The following GREM2 variants were observed in gnomAD, a reference collection of about 807,000 sequenced individuals.
GREM2 encodes the protein gremlin-2.
A neutral mutation model predicts 14.2 loss-of-function variants in GREM2; 11 were observed. The ratio of observed to expected loss-of-function variants is 0.78; its 90% confidence interval spans 0.49 to 1.28. The LOEUF (loss-of-function observed/expected upper bound fraction) is 1.28, where lower values mean the gene tolerates loss of function less well. Ranked by LOEUF, GREM2 falls within the 50% of genes most tolerant of loss-of-function variation. The probability of loss-of-function intolerance (pLI) is 0.00; values close to 1 mark genes in which losing one functional copy is unlikely to be tolerated. For synonymous variants in GREM2, 98 were observed against 97.6 expected, an observed-to-expected ratio of 1.00 and a Z score of -0.02; for missense variants, 210 against 218.5, an observed-to-expected ratio of 0.96 and a Z score of 0.24.
At chr1:240,550,202 A>G (rs1391582022) in intron 1 of GREM2, 1 of 151,980 alleles carries the variant, frequency 6.6e-6, no homozygotes, top group Non-Finnish European at 1.5e-5. Context: ...TTGTATTTTT[A>G]GTGGAGACGG....
At chr1:240,520,138 G>A (rs1402346576) in intron 1 of GREM2, among the ~76,000 whole-genome samples, 7 of 130,236 alleles carry the variant, frequency 5.4e-5, no homozygotes, top group African/African-American at 1.2e-4. Flanking sequence ...ACTATAATCC[G>A]GAATTGCTCT....
At chr1:240,558,840 A>C (rs1678993116) in intron 1 of GREM2, among the ~76,000 whole-genome samples, 1 of 152,114 alleles carries the variant, frequency 6.6e-6, no homozygotes, top group African/African-American at 2.4e-5. Context: ...TAAACTCATT[A>C]CCTGTTTTAT....
chr1:240,609,576 G>C (rs761956939), intron 1 of GREM2, among the ~76,000 whole-genome samples: 2 of 152,060 alleles, frequency 1.3e-5, no homozygotes, highest in Non-Finnish European at 2.9e-5. Context: ...TGCTGGGCAC[G>C]TTTTCCCTGG....
In GREM2 at chr1:240,528,519, T is replaced by C. The variant is rs567836084; in HGVS notation, c.-1-35043A>G. 3.2e-3 allele frequency among the ~76,000 whole-genome samples: 485 copies of C among 152,114 alleles called. 3 individuals are homozygous for C. Among genetic ancestry groups the C allele is most frequent in the African/African-American group, 0.011 (453 of 41,492 alleles). On this transcript the variant is annotated intron_variant, in intron 1 of 1. Coordinates refer to ENST00000318160, the MANE Select transcript of GREM2 (RefSeq NM_022469.4). ...AAAGTTGTATCTGGGTTGAAAAAAA[T>C]GTATATGTATTTTAGGAATGGTAGG...
At chr1:240,575,075 C>T (rs1490937649) in intron 1 of GREM2, among the ~76,000 whole-genome samples, 1 of 151,856 alleles carries the variant, frequency 6.6e-6, no homozygotes, top group Admixed American at 6.6e-5. Flanking sequence ...CCACTGCATT[C>T]CAGCTTGGTG....
At chr1:240,572,835 CAG>C (rs373877598) in intron 1 of GREM2, among the ~76,000 whole-genome samples, 3 of 152,106 alleles carry the variant, frequency 2.0e-5, no homozygotes, top group African/African-American at 7.2e-5. Context: ...AAGGAATATG[CAG>C]AGAGAGGGAT....
At chr1:240,603,445 C>T (rs1679966330) in intron 1 of GREM2, among the ~76,000 whole-genome samples, 1 of 152,140 alleles carries the variant, frequency 6.6e-6, no homozygotes, top group Non-Finnish European at 1.5e-5. Context: ...AGGCCCAACT[C>T]CATATCTGAG....
chr1:240,566,625 T>C (rs1180360325), intron 1 of GREM2, among the ~76,000 whole-genome samples: 2 of 152,104 alleles, frequency 1.3e-5, no homozygotes, highest in Non-Finnish European at 2.9e-5. Flanking sequence ...AAAGAATGTA[T>C]GTGAGGAAAC....
chr1:240,598,042 C>T (rs548818992), intron 1 of GREM2, among the ~76,000 whole-genome samples: 2 of 152,266 alleles, frequency 1.3e-5, no homozygotes, highest in East Asian at 3.9e-4. Context: ...AAAATCAGTT[C>T]AACACCACTG....
At chr1:240,574,950 T>C (rs894907055) in intron 1 of GREM2, among the ~76,000 whole-genome samples, 1 of 151,908 alleles carries the variant, frequency 6.6e-6, no homozygotes, top group Non-Finnish European at 1.5e-5. Context: ...CTACTAAAAA[T>C]ATAAAAATTA....
chr1:240,589,333 T>G (rs376633124), intron 1 of GREM2, among the ~76,000 whole-genome samples: 1 of 149,898 alleles, frequency 6.7e-6, no homozygotes, highest in East Asian at 2.0e-4. Flanking sequence ...TACTCGGGGG[T>G]CTGAGGGAGA....
At chr1:240,556,785 C>G (rs1678958353) in intron 1 of GREM2, among the ~76,000 whole-genome samples, 1 of 152,036 alleles carries the variant, frequency 6.6e-6, no homozygotes. Context: ...TCTCCACAAA[C>G]TAAAAACAAA....
At chr1:240,601,102 A>G (rs1448457938) in intron 1 of GREM2, among the ~76,000 whole-genome samples, 2 of 152,220 alleles carry the variant, frequency 1.3e-5, no homozygotes, top group African/African-American at 2.4e-5. Flanking sequence ...CATTCTGAAG[A>G]CCTTTGCTTC....
At chr1:240,587,999 C>T (rs938784760) in intron 1 of GREM2, among the ~76,000 whole-genome samples, 30 of 152,220 alleles carry the variant, frequency 2.0e-4, no homozygotes, top group Admixed American at 1.1e-3. Flanking sequence ...TGCTGTGAAA[C>T]GGCACATGGA....
chr1:240,551,738 A>T (rs1678858426), intron 1 of GREM2, among the ~76,000 whole-genome samples: 1 of 152,098 alleles, frequency 6.6e-6, no homozygotes, highest in Non-Finnish European at 1.5e-5. Flanking sequence ...CAGAAATAAG[A>T]TCTTCTGTTT....
intron 1 of GREM2, among the ~76,000 whole-genome samples, chr1:240,577,869 A>G (rs960230353): frequency 3.3e-5 from 5 of 152,216 alleles, no homozygotes; most frequent in African/African-American, 4.8e-5. Flanking sequence ...GAGCAAATCT[A>G]TATTTCTGGA....
At chr1:240,508,750 A>G in intron 1 of GREM2, among the ~76,000 whole-genome samples, 1 of 152,282 alleles carries the variant, frequency 6.6e-6, no homozygotes, top group African/African-American at 2.4e-5. Context: ...TTTTTCTTTT[A>G]TAAGTGGATC....
At chr1:240,555,367 C>T (rs966832941) in intron 1 of GREM2, among the ~76,000 whole-genome samples, 5 of 152,030 alleles carry the variant, frequency 3.3e-5, no homozygotes, top group Non-Finnish European at 7.3e-5. Flanking sequence ...AGTTAATATG[C>T]ATAAAACATT....
At chr1:240,548,959 T>C (rs1162910111) in intron 1 of GREM2, among the ~76,000 whole-genome samples, 2 of 152,186 alleles carry the variant, frequency 1.3e-5, no homozygotes, top group Non-Finnish European at 2.9e-5. Flanking sequence ...AAAAGATCTC[T>C]GGGTTTGACA....
Sources: gnomAD v4.1 joint callset for allele counts (sites outside exome capture counted in the v4.1 genomes callset) on GRCh38, gnomAD v4.1.1 for gene constraint, MANE v1.5 for transcripts, NCBI Gene and HGNC (gene_info 2026-07-23, HGNC 2026-07-21) for gene names.